Variants in FAT2 observed in about 807,000 individuals in gnomAD.
FAT2 encodes FAT atypical cadherin 2.
Under a neutral mutation model 295.3 loss-of-function variants are expected in FAT2, and 150 were observed. The observed-to-expected ratio is 0.51, with a 90% confidence interval of 0.44 to 0.58. FAT2 has a LOEUF of 0.58. FAT2 is among the 20% of genes least tolerant of loss of function. The pLI, the probability that FAT2 is intolerant of heterozygous loss-of-function variation, is 0.00. For synonymous variants in FAT2, 2,026 were observed against 2,150.3 expected, an observed-to-expected ratio of 0.94 and a Z score of 1.60; for missense variants, 4,868 against 5,442.7, an observed-to-expected ratio of 0.89 and a Z score of 3.32.
chr5:151,554,272 G>T, intron 5 of FAT2, 90 bp downstream of exon 5: 1 of 1,195,948 alleles, frequency 8.4e-7, no homozygotes, highest in Non-Finnish European at 1.2e-6. Flanking sequence ...CCCTTATGCT[G>T]GTGGGCTGTC....
At position 151,507,480 on chromosome 5, in the gene FAT2, A is replaced by G. The variant is rs772772158; in HGVS notation, c.12191T>C (p.Val4064Ala). Residue 4064 changes from valine (V) to alanine (A), a missense_variant, in exon 23 of 24, where the codon GTC becomes GCC. Physicochemically the swap from Val to Ala is moderately conservative, Grantham distance 64 (BLOSUM62 0). Transcript: ENST00000261800. Reference protein sequence around the residue: ...VAVAFIIISTVGLLFYCRRCK... With the variant: ...VAVAFIIISTAGLLFYCRRCK... ...ACGGCGGCAGTAGAAGAGAAGCCCG[A>G]CAGTGCTTATGATAATGAACGCCAC... 2 of 1,614,036 alleles carry G rather than the reference A, an allele frequency of 1.2e-6. No individual in the cohort carries two copies. Among genetic ancestry groups the G allele is most frequent in the African/African-American group, 1.3e-5 (1 of 74,920 alleles).
chr5:151,522,715 T>C (rs1753600196), intron 18 of FAT2, among the ~76,000 whole-genome samples: 1 of 152,152 alleles, frequency 6.6e-6, no homozygotes, highest in African/African-American at 2.4e-5. Flanking sequence ...ATTTGAGTCC[T>C]GAGGGATGAG....
At chr5:151,587,129 G>C (rs1228684809) in intron 1 of FAT2, among the ~76,000 whole-genome samples, 1 of 151,048 alleles carries the variant, frequency 6.6e-6, no homozygotes, top group Non-Finnish European at 1.5e-5. Context: ...GCAACAGAAT[G>C]AGGCTCCGTC....
Position 151,507,393 on chromosome 5 carries a change from A to T in FAT2, c.12278T>A (p.Val4093Asp). The change falls in exon 23 of 24, where the codon GTT becomes GAT. Residue 4093 changes from valine (V) to aspartate (D), a missense_variant. This residue lies in a region of FAT2 where 492 missense variants were observed against 482.6 expected (regional missense o/e 1.02). Coordinates refer to ENST00000261800, the MANE Select transcript of FAT2 (RefSeq NM_001447.3). ...GATGGCAGGCATGGCTTGGGTGTCA[A>T]CACCAACACTCCTGGCCAGGAGGTC... is the stretch of plus-strand genomic sequence containing the variant. ...DPDLLARSVG[V>D]DTQAMPAIEL... The T allele has an allele frequency of 1.9e-6, 3 of 1,614,190 alleles. No homozygotes were observed. The highest frequency in any genetic ancestry group is 2.5e-6 in the Non-Finnish European group (3 of 1,180,036).
Position 151,544,016 on chromosome 5 carries a change from C to T in FAT2, c.7111G>A (p.Asp2371Asn), listed in dbSNP as rs1235754521. ...AACTCTGGGGGGTTGTCATTGATAT[C>T]AGACACATTGACAACCACAAGGGTT... ...GETLVVVNVSDINDNPPEFRQ... is the reference protein window; with the variant it reads ...GETLVVVNVSNINDNPPEFRQ... The change falls in exon 10 of 24, where the codon GAT becomes AAT. Residue 2371 changes from aspartate (D) to asparagine (N), a missense_variant. Asp to Asn is a conservative substitution (Grantham distance 23, BLOSUM62 1). Around this residue, in one of 5 missense-constraint regions of FAT2, gnomAD observed 3,297 missense variants for 3,669.4 expected, o/e 0.90. Coordinates refer to ENST00000261800, the MANE Select transcript of FAT2 (RefSeq NM_001447.3). The T allele has an allele frequency of 6.2e-7, 1 of 1,614,184 alleles. No homozygotes were observed. Among genetic ancestry groups the T allele is most frequent in the Non-Finnish European group, 8.5e-7 (1 of 1,180,028 alleles).
intron 18 of FAT2, among the ~76,000 whole-genome samples, chr5:151,523,002 C>T (rs80319472): frequency 0.026 from 3,970 of 152,298 alleles, 71 homozygotes; most frequent in Non-Finnish European, 0.039. Context: ...CTGCAACTTC[C>T]TGCCTGACTT....
chr5:151,540,901 C>A, intron 10 of FAT2, 138 bp from the exon 11 acceptor site: 1 of 670,964 alleles, frequency 1.5e-6, no homozygotes, highest in Non-Finnish European at 2.4e-6. Flanking sequence ...TAGGAACCCA[C>A]GATTCTACAC....
intron 14 of FAT2, among the ~76,000 whole-genome samples, chr5:151,529,930 C>A (rs1294922028): frequency 1.3e-5 from 2 of 152,206 alleles, no homozygotes; most frequent in African/African-American, 4.8e-5. Flanking sequence ...CCTTTCCCGG[C>A]TAACCAAATA....
At chr5:151,565,628 A>C in intron 2 of FAT2, 45 bp downstream of exon 2, 2 of 1,510,632 alleles carry the variant, frequency 1.3e-6, no homozygotes, top group East Asian at 2.3e-5. Flanking sequence ...CCTTCAGCCC[A>C]TCTACCTCTG....
In FAT2 at chr5:151,542,248, C is replaced by T. The variant is rs776960542; in HGVS notation, c.8842+37G>A. ...ACCTCTTCCTGGATGTTTTTCGATA[C>T]ATTCCAGAGCCTGCAGTCCATGACA... On this transcript the variant is annotated intron_variant, in intron 10 of 23. Coordinates refer to ENST00000261800, the MANE Select transcript of FAT2 (RefSeq NM_001447.3). 1.6e-5 allele frequency: 25 copies of T among 1,527,544 alleles called. No homozygotes were observed. In the Middle Eastern group the frequency reaches 7.2e-4, roughly 44 times the overall value. 94.6% of individuals were successfully genotyped at this position (1,527,544 alleles called of 1,614,324 possible). A position where few individuals can be genotyped will look rare whatever the true frequency, so the allele number is the denominator to read the frequency against.
At position 151,549,328 on chromosome 5, in the gene FAT2, C is replaced by T; in HGVS notation, c.4756G>A (p.Val1586Ile). Residue 1586 changes from valine (V) to isoleucine (I), a missense_variant, in exon 9 of 24, where the codon GTC (valine) becomes ATC (isoleucine). Transcript: ENST00000261800. The part of the protein sequence containing the change: ...QVRAMDADRG[V>I]NAEVHYSLLK... ...AGGGAGTAGTGGACCTCAGCATTGA[C>T]TCCCCGGTCAGCATCCATGGCTCGG... 1 of 1,613,600 alleles carries T rather than the reference C, an allele frequency of 6.2e-7. No homozygotes were observed. Among genetic ancestry groups the T allele is most frequent in the East Asian group, 2.2e-5 (1 of 44,888 alleles).
chr5:151,575,678 C>T (rs1433022302), intron 1 of FAT2, among the ~76,000 whole-genome samples: 3 of 152,214 alleles, frequency 2.0e-5, no homozygotes, highest in African/African-American at 7.2e-5. Flanking sequence ...CCCAGGTTCA[C>T]TCGTCTAGTA....
rs138414209 is a variant in FAT2 at position 151,528,043 on chromosome 5, G to A, written c.10117C>T (p.Pro3373Ser). The part of the protein sequence containing the change: ...GNQLGHFTIH[P>S]KKGELQVAKA... ...GCCACCTGTAGCTCCCCCTTTTTGG[G>A]GTGAATGGTGAAGTGCCCAAGCTGG... The change falls in exon 16 of 24, where the codon CCC becomes TCC. Residue 3373 changes from proline (P) to serine (S), a missense_variant. Transcript: ENST00000261800. The A allele has an allele frequency of 6.2e-7, 1 of 1,614,060 alleles. No homozygotes were observed. The highest frequency in any genetic ancestry group is 8.5e-7 in the Non-Finnish European group (1 of 1,180,024).
chr5:151,535,520 C>T (rs1234835565), intron 12 of FAT2, among the ~76,000 whole-genome samples: 1 of 151,072 alleles, frequency 6.6e-6, no homozygotes, highest in Non-Finnish European at 1.5e-5. Context: ...CCAGGGAGGA[C>T]ATGGGAGCCC....
intron 1 of FAT2, among the ~76,000 whole-genome samples, 30 bp downstream of exon 1, chr5:151,591,135 C>T (rs958717136): frequency 2.0e-5 from 3 of 152,372 alleles, no homozygotes; most frequent in Admixed American, 1.3e-4. Context: ...GCCCCCCTCC[C>T]GCATCTTCCC....
intron 15 of FAT2, among the ~76,000 whole-genome samples, 161 bp from the exon 16 acceptor site, chr5:151,528,294 G>C (rs373687393): frequency 1.6e-4 from 24 of 152,252 alleles, no homozygotes; most frequent in African/African-American, 5.8e-4. Context: ...TTACATCCTC[G>C]TGTGGACTTC....
intron 3 of FAT2, among the ~76,000 whole-genome samples, chr5:151,556,776 G>A (rs904541535): frequency 9.9e-5 from 15 of 152,182 alleles, no homozygotes; most frequent in African/African-American, 1.9e-4. Flanking sequence ...TGTTCTGAGC[G>A]CATACGAGGT....
At position 151,537,860 on chromosome 5, in the gene FAT2, G is replaced by A. The variant is rs765726908; in HGVS notation, c.9126C>T (p.Thr3042=). Residue 3042 remains threonine, a synonymous_variant, in exon 12 of 24, where the codon ACC becomes ACT. Coordinates refer to ENST00000261800, the MANE Select transcript of FAT2 (RefSeq NM_001447.3). ...GCAGAGAATATGTGATCTGAGCATT[G>A]GTATCAGTGTCCAAGTCTGTGGCAG... ...KVSATDLDTD[T]NAQITYSLHG... 8.7e-6 allele frequency: 14 copies of A among 1,614,048 alleles called. No individual in the cohort carries two copies. Among genetic ancestry groups the A allele is most frequent in the Non-Finnish European group, 1.2e-5 (14 of 1,180,026 alleles).
chr5:151,534,695 G>A (rs1755039532), intron 12 of FAT2, 53 bp from the exon 13 acceptor site: 3 of 1,480,832 alleles, frequency 2.0e-6, no homozygotes, highest in African/African-American at 1.4e-5. Context: ...TATTACCCAA[G>A]CATGTGCCCT....
Sources: allele counts gnomAD v4.1 joint callset (sites outside exome capture counted in the v4.1 genomes callset), GRCh38; gene constraint gnomAD v4.1.1; regional missense constraint gnomAD v4.1.1; transcripts MANE v1.5; gene names NCBI Gene and HGNC (gene_info 2026-07-23, HGNC 2026-07-21).